CLIP1: variants seen among roughly 807,000 people sequenced by gnomAD.
CLIP1 encodes the protein CAP-Gly domain-containing linker protein 1.
CLIP1 carries 66 observed loss-of-function variants against 161.6 expected under a neutral mutation model. That is an observed-to-expected ratio of 0.41 (90% confidence interval 0.33 to 0.50). The LOEUF is 0.50. Ranked by LOEUF, CLIP1 falls within the 20% of genes least tolerant of loss-of-function variation. The pLI is 0.27. For missense variants in CLIP1, 1,376 were observed against 1,702.0 expected, an observed-to-expected ratio of 0.81 and a Z score of 3.37; for synonymous variants, 598 against 626.2, an observed-to-expected ratio of 0.96 and a Z score of 0.67.
chr12:122,303,161 T>C (rs1950752291), intron 20 of CLIP1, among the ~76,000 whole-genome samples: 1 of 152,252 alleles, frequency 6.6e-6, no homozygotes, highest in African/African-American at 2.4e-5. Context: ...TAAACTTGTG[T>C]CATTTTATCA....
chr12:122,354,394 CA>C, intron 7 of CLIP1, 58 bp downstream of exon 7: 9 of 1,407,466 alleles, frequency 6.4e-6, no homozygotes, highest in Non-Finnish European at 9.0e-6. Flanking sequence ...GACTCTGTCT[CA>C]AAAACAAAAA....
At chr12:122,331,561 C>T (rs956974679) in intron 15 of CLIP1, among the ~76,000 whole-genome samples, 2 of 150,678 alleles carry the variant, frequency 1.3e-5, no homozygotes, top group Admixed American at 6.6e-5. Context: ...GCGATCTGCC[C>T]GCCTCAGCCT....
intron 17 of CLIP1, among the ~76,000 whole-genome samples, chr12:122,321,682 C>A (rs1383627239): frequency 6.6e-6 from 1 of 151,986 alleles, no homozygotes; most frequent in Non-Finnish European, 1.5e-5. Flanking sequence ...CCATGCCCAG[C>A]TAATTACTGT....
chr12:122,288,599 C>T, intron 20 of CLIP1, 58 bp from the exon 21 acceptor site: 1 of 1,466,046 alleles, frequency 6.8e-7, no homozygotes, highest in Admixed American at 1.7e-5. Context: ...AGGCATATTT[C>T]TCATCCCACA....
chr12:122,382,503 G>A (rs1029933119), intron 1 of CLIP1, among the ~76,000 whole-genome samples: 3 of 146,706 alleles, frequency 2.0e-5, no homozygotes, highest in Non-Finnish European at 3.0e-5. Context: ...ACACCACCTC[G>A]AAAAAGAAAA....
Position 122,380,385 on chromosome 12 carries a change from A to G in CLIP1, c.68T>C (p.Leu23Pro). The change falls in exon 2 of 26, where the codon CTG becomes CCG. Residue 23 changes from leucine to proline, a missense_variant. Leu to Pro is a moderately conservative substitution (Grantham distance 98). Coordinates refer to ENST00000620786, the MANE Select transcript of CLIP1 (RefSeq NM_001247997.2). Reference protein sequence around the residue: ...TKILKPGSTALKTPTAVVAPV... With the variant: ...TKILKPGSTAPKTPTAVVAPV... The stretch of plus-strand genomic sequence containing the variant: ...AGTATTACCAGCCGTAGGTGTCTTC[A>G]GAGCTGTGCTTCCAGGCTTCAGGAT... 6.2e-7 allele frequency: 1 copy of G among 1,613,652 alleles called. No homozygotes were observed. Among genetic ancestry groups the G allele is most frequent in the South Asian group, 1.1e-5 (1 of 91,030 alleles).
intron 21 of CLIP1, among the ~76,000 whole-genome samples, chr12:122,287,027 C>G (rs1047802280): frequency 5.9e-5 from 9 of 151,788 alleles, no homozygotes; most frequent in African/African-American, 1.9e-4. Context: ...AAAAAATTAG[C>G]CAGGTGTGAT....
intron 1 of CLIP1, among the ~76,000 whole-genome samples, chr12:122,405,514 C>T (rs139676809): frequency 0.02 from 3,020 of 152,194 alleles, 68 homozygotes; most frequent in African/African-American, 0.049. Flanking sequence ...AGCAGCCAGG[C>T]GCGGTGGCTC....
rs780583063 is a variant in CLIP1, at chr12:122,279,132, T to G, written c.3661A>C (p.Ile1221Leu). ...GCTTTCTCTTCATCTGCGTCTTTTATGAACTTGGATTCTCTAAAAGACCAA... is the reference window on the plus strand; with the variant it reads ...GCTTTCTCTTCATCTGCGTCTTTTAGGAACTTGGATTCTCTAAAAGACCAA... ...LEMKKRESKF[I>L]KDADEEKASL... Residue 1221 changes from isoleucine to leucine, a missense_variant, in exon 22 of 26, where the codon ATA becomes CTA. Coordinates refer to ENST00000620786, the MANE Select transcript of CLIP1 (RefSeq NM_001247997.2). The surrounding 1 kb of genome is among the most constrained non-coding windows in gnomAD (Gnocchi z 4.5). 5.0e-6 allele frequency: 8 copies of G among 1,611,154 alleles called. No homozygotes were observed. Among genetic ancestry groups the G allele is most frequent in the Admixed American group, 1.7e-5 (1 of 59,468 alleles).
intron 20 of CLIP1, among the ~76,000 whole-genome samples, chr12:122,293,245 G>A (rs1950327473): frequency 6.6e-6 from 1 of 152,140 alleles, no homozygotes; most frequent in Admixed American, 6.6e-5. Context: ...AGCATCATCA[G>A]TCATCAGGAG....
At chr12:122,334,997 G>T (rs192241009) in intron 12 of CLIP1, among the ~76,000 whole-genome samples, 1 of 152,170 alleles carries the variant, frequency 6.6e-6, no homozygotes, top group Non-Finnish European at 1.5e-5. Flanking sequence ...ATGCATGTGC[G>T]TGTATACATA....
intron 1 of CLIP1, among the ~76,000 whole-genome samples, chr12:122,419,443 G>C (rs1191310638): frequency 2.0e-5 from 3 of 151,754 alleles, no homozygotes; most frequent in Middle Eastern, 3.2e-3. Context: ...ATTCTGCAAG[G>C]GTCCCGAAAT....
intron 20 of CLIP1, among the ~76,000 whole-genome samples, chr12:122,289,765 G>A (rs535668560): frequency 6.7e-6 from 1 of 150,044 alleles, no homozygotes; most frequent in South Asian, 2.1e-4. Context: ...GCACTACCCA[G>A]TTTGGCCAAA....
At chr12:122,303,487 T>A (rs1396571627) in intron 20 of CLIP1, among the ~76,000 whole-genome samples, 1 of 152,194 alleles carries the variant, frequency 6.6e-6, no homozygotes, top group Non-Finnish European at 1.5e-5. Context: ...AATTGACACA[T>A]TTCTGTAGCC....
At chr12:122,410,781 A>G (rs1333211957) in intron 1 of CLIP1, among the ~76,000 whole-genome samples, 2 of 152,164 alleles carry the variant, frequency 1.3e-5, no homozygotes, top group African/African-American at 4.8e-5. Flanking sequence ...TTTTGAAGGT[A>G]AAAAGAAAAA....
intron 20 of CLIP1, among the ~76,000 whole-genome samples, chr12:122,306,356 A>G (rs1402848040): frequency 6.6e-6 from 1 of 152,214 alleles, no homozygotes; most frequent in East Asian, 1.9e-4. Context: ...AAAGTGAATC[A>G]TCTAAAAAAT....
intron 1 of CLIP1, among the ~76,000 whole-genome samples, chr12:122,385,941 C>G (rs932432863): frequency 7.9e-5 from 12 of 152,006 alleles, no homozygotes; most frequent in African/African-American, 2.9e-4. Flanking sequence ...ATGTTCACAA[C>G]TTGAATTGCA....
intron 24 of CLIP1, 115 bp from the exon 25 acceptor site, chr12:122,274,277 C>A: frequency 1.3e-6 from 1 of 785,854 alleles, no homozygotes; most frequent in Non-Finnish European, 2.1e-6. Context: ...CAGAAGGGGC[C>A]AACAGCGGCT....
chr12:122,419,150 C>A (rs1956851007), intron 1 of CLIP1, among the ~76,000 whole-genome samples: 1 of 152,132 alleles, frequency 6.6e-6, no homozygotes, highest in Non-Finnish European at 1.5e-5. Flanking sequence ...GCAGGTGGAT[C>A]ACTTGAATTC....
Sources: allele counts gnomAD v4.1 joint callset (sites outside exome capture counted in the v4.1 genomes callset), GRCh38; gene constraint gnomAD v4.1.1; non-coding constraint Gnocchi (gnomAD v3.1); transcripts MANE v1.5; gene names NCBI Gene and HGNC (gene_info 2026-07-23, HGNC 2026-07-21).